CREB5: variants seen among roughly 807,000 people sequenced by gnomAD.
The protein encoded by CREB5 is cyclic AMP-responsive element-binding protein 5.
Under a neutral mutation model 57.1 loss-of-function variants are expected in CREB5, and 19 were observed. The observed-to-expected ratio is 0.33, with a 90% CI of 0.23 to 0.49. The LOEUF is 0.49. Ranked by LOEUF, CREB5 falls within the 20% of genes least tolerant of loss-of-function variation. CREB5 has a pLI of 0.99. For missense variants in CREB5, 579 were observed against 671.6 expected (o/e 0.86, Z 1.52); for synonymous variants, 238 against 238.3 (o/e 1.00, Z 0.01).
intron 5 of CREB5, among the ~76,000 whole-genome samples, chr7:28,684,786 A>T (rs931996343): frequency 6.6e-6 from 1 of 152,202 alleles, no homozygotes; most frequent in Non-Finnish European, 1.5e-5. Flanking sequence ...CTTTTGTGGT[A>T]TTTAAAAAAA....
At chr7:28,712,148 C>T (rs1438428853) in intron 5 of CREB5, among the ~76,000 whole-genome samples, 1 of 152,128 alleles carries the variant, frequency 6.6e-6, no homozygotes, top group African/African-American at 2.4e-5. Flanking sequence ...CTCCATTTTA[C>T]AATGTAATTA....
intron 7 of CREB5, among the ~76,000 whole-genome samples, chr7:28,742,919 A>T (rs887332571): frequency 3.3e-5 from 5 of 152,104 alleles, no homozygotes; most frequent in African/African-American, 1.2e-4. Context: ...AGTAGCTGGG[A>T]TTACAGGTGT....
At position 28,681,600 on chromosome 7, in the gene CREB5, G is replaced by A. The variant is rs188738681; in HGVS notation, c.465-37153G>A. 2.0e-5 allele frequency among the ~76,000 whole-genome samples: 3 copies of A among 152,260 alleles called. No homozygotes were observed. The East Asian group carries it at 5.8e-4, about 29-fold the overall frequency. Reference sequence around the variant, plus strand: ...GGTGCTAGGGAAATGAAGATGTATAGCACAGTCTCTGCCCTGGAGAAGCAA... The same window carrying A: ...GGTGCTAGGGAAATGAAGATGTATAACACAGTCTCTGCCCTGGAGAAGCAA... On this transcript the variant is annotated intron_variant, in intron 5 of 10. Coordinates refer to ENST00000357727, the MANE Select transcript of CREB5 (RefSeq NM_182898.4).
intron 5 of CREB5, among the ~76,000 whole-genome samples, chr7:28,646,547 G>T (rs185394180): frequency 5.3e-5 from 8 of 152,198 alleles, no homozygotes; most frequent in African/African-American, 1.9e-4. Flanking sequence ...CATCCTCTGA[G>T]TGTCTTTGGA....
chr7:28,607,806 C>CAT (rs1797207265), intron 5 of CREB5, among the ~76,000 whole-genome samples: 1 of 136,752 alleles, frequency 7.3e-6, no homozygotes, highest in Non-Finnish European at 1.5e-5. Context: ...TTACCATGTG[C>CAT]ATACTTGGAA....
At chr7:28,390,360 A>T (rs1454244064) in intron 1 of CREB5, among the ~76,000 whole-genome samples, 4 of 152,214 alleles carry the variant, frequency 2.6e-5, no homozygotes, top group Non-Finnish European at 5.9e-5. Context: ...GCTTATCGGC[A>T]AACCTTCACA....
intron 5 of CREB5, among the ~76,000 whole-genome samples, chr7:28,663,032 C>A (rs138001789): frequency 0.034 from 5,140 of 151,612 alleles, 145 homozygotes; most frequent in South Asian, 0.11. Context: ...GTAATCCCAG[C>A]TACTCTGGAG....
In CREB5 at chr7:28,449,670, G is replaced by T. The variant is rs561118589; in HGVS notation, c.3+36753G>T. Among the ~76,000 whole-genome samples, 24 of 152,260 alleles carry T rather than the reference G, an allele frequency of 1.6e-4. 1 individual carries two copies. Among genetic ancestry groups the T allele is most frequent in the South Asian group, 1.4e-3 (7 of 4,828 alleles). Reference sequence around the variant, plus strand: ...ATTCATAATTATGACTATGCAATTCGTGTTTGTTGCTTGACCAAATCATGT... The same window carrying T: ...ATTCATAATTATGACTATGCAATTCTTGTTTGTTGCTTGACCAAATCATGT... On this transcript the variant is annotated intron_variant, in intron 1 of 10. Coordinates refer to ENST00000357727, the MANE Select transcript of CREB5 (RefSeq NM_182898.4).
chr7:28,331,301 A>G (rs1023107747), intron 1 of CREB5, among the ~76,000 whole-genome samples: 2 of 151,948 alleles, frequency 1.3e-5, no homozygotes, highest in African/African-American at 2.4e-5. Flanking sequence ...ATTTTTTATT[A>G]TTGTTCCCTT....
chr7:28,519,322 C>T (rs1793107657), intron 4 of CREB5, among the ~76,000 whole-genome samples: 1 of 152,138 alleles, frequency 6.6e-6, no homozygotes, highest in Non-Finnish European at 1.5e-5. Flanking sequence ...GTTGGGAATT[C>T]AGACTTTGGG....
intron 3 of CREB5, among the ~76,000 whole-genome samples, chr7:28,500,793 G>A (rs1030539493): frequency 2.0e-5 from 3 of 152,172 alleles, no homozygotes; most frequent in East Asian, 3.9e-4. Context: ...TTTAGAACGA[G>A]TTAGGGTATT....
chr7:28,715,443 T>C (rs1360684082), intron 5 of CREB5, among the ~76,000 whole-genome samples: 1 of 152,206 alleles, frequency 6.6e-6, no homozygotes, highest in Non-Finnish European at 1.5e-5. Context: ...AAGTATTATT[T>C]AAGTGCAATA....
rs538515103 is a variant in CREB5 at position 28,586,999 on chromosome 7, G to A, written c.464+16462G>A. Among the ~76,000 whole-genome samples the A allele has an allele frequency of 4.6e-5, 7 of 152,186 alleles. No individual in the cohort carries two copies. In the South Asian group the frequency reaches 1.0e-3, roughly 23 times the overall value. ...CCAAGGTGGAAAGAGTGGTCCAGCC[G>A]TTGCTTCTGGAAGTCTCTTGCTATG... On this transcript the variant is annotated intron_variant, in intron 5 of 10. Coordinates refer to ENST00000357727, the MANE Select transcript of CREB5 (RefSeq NM_182898.4).
At chr7:28,735,563 A>G (rs1437651025) in intron 7 of CREB5, among the ~76,000 whole-genome samples, 2 of 152,210 alleles carry the variant, frequency 1.3e-5, no homozygotes, top group Non-Finnish European at 2.9e-5. Context: ...TAAACAGAAA[A>G]TATAAGGAGT....
At chr7:28,713,661 C>T (rs1411933793) in intron 5 of CREB5, among the ~76,000 whole-genome samples, 1 of 152,160 alleles carries the variant, frequency 6.6e-6, no homozygotes, top group Admixed American at 6.5e-5. Context: ...TGATGGAAGT[C>T]ATAATCTAGT....
At chr7:28,673,285 C>G (rs542357653) in intron 5 of CREB5, among the ~76,000 whole-genome samples, 1 of 152,140 alleles carries the variant, frequency 6.6e-6, no homozygotes, top group Non-Finnish European at 1.5e-5. Context: ...CTAAAAGGAC[C>G]TCCCCATTTT....
At chr7:28,608,121 A>T (rs200500033) in intron 5 of CREB5, among the ~76,000 whole-genome samples, 10,346 of 112,688 alleles carry the variant, frequency 0.092, 443 homozygotes, top group East Asian at 0.19. Context: ...TCTCACACAC[A>T]CTCACACACA....
chr7:28,485,284 T>C (rs1197429869), intron 1 of CREB5, among the ~76,000 whole-genome samples: 1 of 152,126 alleles, frequency 6.6e-6, no homozygotes, highest in African/African-American at 2.4e-5. Flanking sequence ...AATGACCACT[T>C]TCAGATGTAG....
intron 5 of CREB5, among the ~76,000 whole-genome samples, chr7:28,632,935 G>T (rs1045636148): frequency 2.0e-5 from 3 of 152,180 alleles, no homozygotes; most frequent in Non-Finnish European, 2.9e-5. Context: ...TCGCTAGTTT[G>T]TATAATAGTG....
Sources: gnomAD v4.1 joint callset for allele counts (sites outside exome capture counted in the v4.1 genomes callset) on GRCh38, gnomAD v4.1.1 for gene constraint, MANE v1.5 for transcripts, NCBI Gene and HGNC (gene_info 2026-07-23, HGNC 2026-07-21) for gene names.